DSCAM: variants seen among roughly 807,000 people sequenced by gnomAD.
DSCAM encodes the protein DS cell adhesion molecule.
DSCAM carries 47 observed loss-of-function variants against 217.7 expected under a neutral mutation model. The ratio of observed to expected loss-of-function variants is 0.22; its 90% CI spans 0.17 to 0.28. The LOEUF is 0.28. Ranked by LOEUF, DSCAM falls within the 10% of genes least tolerant of loss-of-function variation. DSCAM has a pLI of 1.00. For missense variants in DSCAM, 2,080 were observed against 2,618.3 expected, an observed-to-expected ratio of 0.79 and a Z score of 4.49; for synonymous variants, 1,056 against 1,015.3, an observed-to-expected ratio of 1.04 and a Z score of -0.76.
At chr21:40,568,756 C>T (rs1406487848) in intron 3 of DSCAM, among the ~76,000 whole-genome samples, 1 of 152,022 alleles carries the variant, frequency 6.6e-6, no homozygotes, top group Non-Finnish European at 1.5e-5. Flanking sequence ...TAATGTCTGC[C>T]CTATAAGCAG....
chr21:40,538,175 C>T (rs1377491579), intron 3 of DSCAM, among the ~76,000 whole-genome samples: 2 of 152,188 alleles, frequency 1.3e-5, no homozygotes, highest in Non-Finnish European at 2.9e-5. Context: ...CGGTCACTCA[C>T]TCCTGAGAGC....
chr21:40,088,595 A>G, intron 21 of DSCAM, among the ~76,000 whole-genome samples: 1 of 152,208 alleles, frequency 6.6e-6, no homozygotes, highest in African/African-American at 2.4e-5. Flanking sequence ...ATTTCCCTGG[A>G]CTGAGATGAA....
intron 3 of DSCAM, among the ~76,000 whole-genome samples, chr21:40,480,158 C>G (rs997717569): frequency 1.3e-5 from 2 of 152,212 alleles, no homozygotes; most frequent in African/African-American, 4.8e-5. Flanking sequence ...AGTCCTTGTT[C>G]AAAGGCTGCT....
chr21:40,097,002 A>G (rs78806605), intron 20 of DSCAM, among the ~76,000 whole-genome samples: 2,649 of 152,274 alleles, frequency 0.017, 83 homozygotes, highest in African/African-American at 0.06. Flanking sequence ...GAAAGAATTA[A>G]TCACCAGTAG....
intron 20 of DSCAM, among the ~76,000 whole-genome samples, chr21:40,103,177 T>C (rs2089776340): frequency 6.6e-6 from 1 of 152,202 alleles, no homozygotes; most frequent in Non-Finnish European, 1.5e-5. Flanking sequence ...ATAAAAGGAA[T>C]TCTACTTTTA....
chr21:40,040,392 A>G (rs550273311), intron 32 of DSCAM, among the ~76,000 whole-genome samples: 1 of 152,296 alleles, frequency 6.6e-6, no homozygotes, highest in East Asian at 1.9e-4. Context: ...ACAAGCTTCA[A>G]CCCTGTAATT....
intron 11 of DSCAM, among the ~76,000 whole-genome samples, chr21:40,224,047 C>T (rs1174908003): frequency 6.6e-6 from 1 of 152,180 alleles, no homozygotes; most frequent in Admixed American, 6.5e-5. Context: ...CAAAATAACC[C>T]ACAGTGTCAT....
intron 22 of DSCAM, among the ~76,000 whole-genome samples, chr21:40,086,400 T>C (rs1440240942): frequency 6.6e-6 from 1 of 152,190 alleles, no homozygotes; most frequent in Non-Finnish European, 1.5e-5. Context: ...GAACCAACTT[T>C]AAATGTATGA....
At chr21:40,827,663 C>T (rs914740931) in intron 1 of DSCAM, among the ~76,000 whole-genome samples, 17 of 152,068 alleles carry the variant, frequency 1.1e-4, no homozygotes, top group Non-Finnish European at 1.8e-4. Flanking sequence ...GAAGTGTGTA[C>T]AGACCAGCTG....
At chr21:40,707,672 T>C (rs1374424898) in intron 2 of DSCAM, among the ~76,000 whole-genome samples, 1 of 152,214 alleles carries the variant, frequency 6.6e-6, no homozygotes, top group African/African-American at 2.4e-5. Flanking sequence ...ATTATGTCAG[T>C]CTACACAAGT....
In DSCAM at chr21:40,467,930, C is replaced by CAAAA. The variant is rs56379350; in HGVS notation, c.509-98689_509-98686dup. Among the ~76,000 whole-genome samples, 66 of 84,380 alleles carry CAAAA rather than the reference C, an allele frequency of 7.8e-4. 2 individuals are homozygous for CAAAA. The highest frequency in any genetic ancestry group is 1.9e-3 in the African/African-American group (40 of 21,618). The allele number at this position is 84,380 out of a possible 152,430, so 55.4% of individuals were successfully genotyped here. A position where few individuals can be genotyped will look rare whatever the true frequency, so the allele number is the denominator to read the frequency against. On this transcript the variant is annotated intron_variant, in intron 3 of 32. Transcript: ENST00000400454. The stretch of plus-strand genomic sequence containing the variant: ...AAATAAGATAGCTACAAAGATTAAC[C>CAAAA]AAAAAAAAAAAAAAAAAAAAACTAC...
chr21:40,253,299 C>T (rs930515725), intron 11 of DSCAM, among the ~76,000 whole-genome samples: 15 of 152,106 alleles, frequency 9.9e-5, no homozygotes, highest in Non-Finnish European at 2.1e-4. Flanking sequence ...TAGCAGGGAG[C>T]CTGGAAATTC....
At chr21:40,645,343 A>G (rs2089933141) in intron 3 of DSCAM, among the ~76,000 whole-genome samples, 1 of 152,210 alleles carries the variant, frequency 6.6e-6, no homozygotes, top group Non-Finnish European at 1.5e-5. Flanking sequence ...AGTATCCGAT[A>G]AAGAGCAGTA....
intron 11 of DSCAM, among the ~76,000 whole-genome samples, chr21:40,201,134 A>C (rs1292256979): frequency 6.6e-6 from 1 of 152,124 alleles, no homozygotes. Context: ...GCTAAGCTTG[A>C]ACAAGAATGA....
intron 20 of DSCAM, among the ~76,000 whole-genome samples, chr21:40,113,733 T>C (rs967411110): frequency 5.9e-5 from 9 of 152,166 alleles, no homozygotes; most frequent in African/African-American, 1.7e-4. Context: ...ACAAAATCAA[T>C]GTGCAAAAAT....
At chr21:40,403,632 CACACA>C (rs1300457449) in intron 3 of DSCAM, among the ~76,000 whole-genome samples, 1 of 39,894 alleles carries the variant, frequency 2.5e-5, no homozygotes, top group Non-Finnish European at 9.3e-5. Flanking sequence ...TGCATGTGCA[CACACA>C]CACACACACA....
At chr21:40,087,099 G>C (rs2089542945) in intron 22 of DSCAM, 71 bp downstream of exon 22, 1 of 1,169,296 alleles carries the variant, frequency 8.6e-7, no homozygotes, top group African/African-American at 1.5e-5. Flanking sequence ...GAGACCACTA[G>C]ACACAACCTG....
intron 3 of DSCAM, among the ~76,000 whole-genome samples, chr21:40,549,115 G>C (rs976446493): frequency 6.6e-6 from 1 of 152,172 alleles, no homozygotes; most frequent in African/African-American, 2.4e-5. Flanking sequence ...TGAGGCGTGA[G>C]GATCACCTGA....
chr21:40,335,147 A>G (rs1303443079), intron 8 of DSCAM, among the ~76,000 whole-genome samples: 1 of 152,010 alleles, frequency 6.6e-6, no homozygotes, highest in Non-Finnish European at 1.5e-5. Context: ...TTTGCTCAAA[A>G]TCTCACTTTT....
Sources: allele counts gnomAD v4.1 joint callset (sites outside exome capture counted in the v4.1 genomes callset), GRCh38; gene constraint gnomAD v4.1.1; transcripts MANE v1.5; gene names NCBI Gene and HGNC (gene_info 2026-07-23, HGNC 2026-07-21).